The following CACNA2D1 variants were observed in gnomAD, a reference collection of about 807,000 sequenced individuals.
CACNA2D1 encodes the protein calcium voltage-gated channel auxiliary subunit alpha2delta 1, also known as voltage-dependent calcium channel subunit alpha-2/delta-1.
CACNA2D1 carries 53 observed loss-of-function variants against 171.5 expected under a neutral mutation model. The ratio of observed to expected loss-of-function variants is 0.31; its 90% confidence interval spans 0.25 to 0.39. The LOEUF (loss-of-function observed/expected upper bound fraction) is 0.39, where lower values mean the gene tolerates loss of function less well. Ranked by LOEUF, CACNA2D1 falls within the 10% of genes least tolerant of loss-of-function variation. CACNA2D1 has a pLI of 1.00. For missense variants in CACNA2D1, 903 were observed against 1,299.8 expected (o/e 0.69, Z 4.69); for synonymous variants, 442 against 443.1 (o/e 1.00, Z 0.03).
intron 10 of CACNA2D1, among the ~76,000 whole-genome samples, chr7:82,053,369 TTC>T (rs1267487820): frequency 2.0e-5 from 3 of 152,084 alleles, no homozygotes; most frequent in African/African-American, 7.2e-5. Context: ...TGTACTGATT[TTC>T]TGAGGAGCAA....
chr7:82,334,548 A>T (rs1336997450), intron 3 of CACNA2D1, among the ~76,000 whole-genome samples: 1 of 152,194 alleles, frequency 6.6e-6, no homozygotes, highest in Non-Finnish European at 1.5e-5. Flanking sequence ...TACAAACACA[A>T]TGTTGATGGA....
At chr7:82,020,274 C>T (rs547730437) in intron 12 of CACNA2D1, among the ~76,000 whole-genome samples, 3 of 152,130 alleles carry the variant, frequency 2.0e-5, no homozygotes, top group African/African-American at 7.2e-5. Context: ...GAGAAAGACA[C>T]AGACAAATGG....
chr7:82,406,721 C>A (rs539054059), intron 1 of CACNA2D1, among the ~76,000 whole-genome samples: 2 of 152,128 alleles, frequency 1.3e-5, no homozygotes, highest in Non-Finnish European at 2.9e-5. Context: ...ATATCCTTCA[C>A]CCACTTTTTG....
chr7:82,128,114 G>C (rs1323564517), intron 5 of CACNA2D1, among the ~76,000 whole-genome samples: 2 of 147,902 alleles, frequency 1.4e-5, no homozygotes, highest in African/African-American at 2.5e-5. Flanking sequence ...TTTTTTTGTA[G>C]AGACAGGGTG....
chr7:82,049,604 A>G (rs143143020), intron 10 of CACNA2D1, among the ~76,000 whole-genome samples: 320 of 152,260 alleles, frequency 2.1e-3, no homozygotes, highest in African/African-American at 7.3e-3. Flanking sequence ...GTAATGCGAT[A>G]AAAACCCCTG....
At chr7:82,118,764 A>C (rs1167234448) in intron 5 of CACNA2D1, among the ~76,000 whole-genome samples, 1 of 152,074 alleles carries the variant, frequency 6.6e-6, no homozygotes, top group Non-Finnish European at 1.5e-5. Flanking sequence ...TAACTTTAAA[A>C]TAATAACGTA....
At chr7:82,149,495 A>G (rs75832216) in intron 4 of CACNA2D1, among the ~76,000 whole-genome samples, 27 of 152,150 alleles carry the variant, frequency 1.8e-4, no homozygotes, top group African/African-American at 4.8e-4. Flanking sequence ...ATTTCACTCA[A>G]AACGGTCACA....
At chr7:82,393,115 G>GGC (rs1825368834) in intron 1 of CACNA2D1, among the ~76,000 whole-genome samples, 2 of 90,458 alleles carry the variant, frequency 2.2e-5, no homozygotes, top group Non-Finnish European at 4.8e-5. Flanking sequence ...GGCAGGCAGG[G>GGC]AGGGAGGGAG....
chr7:82,048,097 C>T (rs1562921387), intron 10 of CACNA2D1, among the ~76,000 whole-genome samples: 1 of 152,146 alleles, frequency 6.6e-6, no homozygotes, highest in Non-Finnish European at 1.5e-5. Context: ...AGTTTATTCA[C>T]ATCACCAATG....
At chr7:82,388,078 C>A (rs6955668) in intron 1 of CACNA2D1, among the ~76,000 whole-genome samples, 7,273 of 137,620 alleles carry the variant, frequency 0.053, 586 homozygotes, top group African/African-American at 0.17. Context: ...AAAAAAAAAA[C>A]AAAAACAAAA....
chr7:82,082,997 C>T (rs1809988156), intron 7 of CACNA2D1, among the ~76,000 whole-genome samples: 1 of 151,854 alleles, frequency 6.6e-6, no homozygotes, highest in Non-Finnish European at 1.5e-5. Flanking sequence ...CTCTTGATCC[C>T]CATGTTTTCT....
chr7:82,223,232 T>A (rs1283342332), intron 3 of CACNA2D1, among the ~76,000 whole-genome samples: 1 of 152,128 alleles, frequency 6.6e-6, no homozygotes. Context: ...TGTTTTATCT[T>A]AAAATGCTAA....
At chr7:82,117,278 T>A in intron 5 of CACNA2D1, 105 bp from the exon 6 acceptor site, 1 of 1,123,364 alleles carries the variant, frequency 8.9e-7, no homozygotes, top group Non-Finnish European at 1.3e-6. Flanking sequence ...AAAATAAATC[T>A]ACAACAATTG....
chr7:82,251,837 C>A (rs1023157315), intron 3 of CACNA2D1, among the ~76,000 whole-genome samples: 1 of 152,096 alleles, frequency 6.6e-6, no homozygotes, highest in Non-Finnish European at 1.5e-5. Context: ...CAAATCTGGA[C>A]CTATCTGATG....
intron 3 of CACNA2D1, among the ~76,000 whole-genome samples, chr7:82,209,241 A>G (rs527776595): frequency 3.3e-5 from 5 of 152,346 alleles, no homozygotes; most frequent in African/African-American, 7.2e-5. Flanking sequence ...TCAGTGCAGT[A>G]GCAAACTCTT....
intron 4 of CACNA2D1, among the ~76,000 whole-genome samples, chr7:82,165,991 G>C (rs867507056): frequency 1.3e-5 from 2 of 151,158 alleles, no homozygotes; most frequent in Non-Finnish European, 3.0e-5. Flanking sequence ...CCAAGTGACT[G>C]TCTGTCTTCG....
intron 1 of CACNA2D1, among the ~76,000 whole-genome samples, chr7:82,352,192 T>A (rs931280981): frequency 1.3e-5 from 2 of 152,196 alleles, no homozygotes; most frequent in Non-Finnish European, 2.9e-5. Context: ...GATTATTTTT[T>A]ATAAATATGA....
chr7:81,968,927 A>C lies in CACNA2D1; in HGVS notation c.2355T>G (p.Ala785=). Residue 785 remains alanine (A), a synonymous_variant, in exon 29 of 39, where the codon GCT becomes GCG. Coordinates refer to ENST00000356860, the MANE Select transcript of CACNA2D1 (RefSeq NM_000722.4). Reference sequence around the variant, plus strand: ...GTTTCCCTTGAATATATATTTCTACAGCTTTGCTTACCATAATGCCCGATT... The same window carrying C: ...GTTTCCCTTGAATATATATTTCTACCGCTTTGCTTACCATAATGCCCGATT... ...AYESGIMVSK[A]VEIYIQGKLL... is the part of the protein sequence containing the mutation. 6.3e-7 allele frequency: 1 copy of C among 1,596,212 alleles called. No homozygotes were observed. The highest frequency in any genetic ancestry group is 8.6e-7 in the Non-Finnish European group (1 of 1,165,568).
At chr7:82,361,374 G>T (rs143700270) in intron 1 of CACNA2D1, among the ~76,000 whole-genome samples, 1,846 of 152,198 alleles carry the variant, frequency 0.012, 44 homozygotes, top group African/African-American at 0.042. Context: ...TTACAATTTT[G>T]AGCACTATCC....
Sources: gnomAD v4.1 joint callset for allele counts (sites outside exome capture counted in the v4.1 genomes callset) on GRCh38, gnomAD v4.1.1 for gene constraint, MANE v1.5 for transcripts, NCBI Gene and HGNC (gene_info 2026-07-23, HGNC 2026-07-21) for gene names.